DMXL2: variants seen among roughly 807,000 people sequenced by gnomAD.
DMXL2 encodes Dmx like 2, also known as dmX-like protein 2.
Under a neutral mutation model 331.1 loss-of-function variants are expected in DMXL2, and 103 were observed. That is an observed-to-expected ratio of 0.31 (90% CI 0.27 to 0.37). The LOEUF (loss-of-function observed/expected upper bound fraction) is 0.37. Ranked by LOEUF, DMXL2 falls within the 10% of genes least tolerant of loss-of-function variation. The pLI, the probability that DMXL2 is intolerant of heterozygous loss-of-function variation, is 1.00. For missense variants in DMXL2, 3,171 were observed against 3,642.9 expected, an observed-to-expected ratio of 0.87 and a Z score of 3.33; for synonymous variants, 1,281 against 1,252.1, an observed-to-expected ratio of 1.02 and a Z score of -0.49.
chr15:51,496,588 T>C (rs2043197303), intron 18 of DMXL2, among the ~76,000 whole-genome samples: 1 of 152,166 alleles, frequency 6.6e-6, no homozygotes, highest in African/African-American at 2.4e-5. Flanking sequence ...AAGGAGAGAT[T>C]TAATGTGATT....
At chr15:51,573,931 CA>C (rs1229147891) in intron 2 of DMXL2, among the ~76,000 whole-genome samples, 1 of 151,858 alleles carries the variant, frequency 6.6e-6, no homozygotes, top group Non-Finnish European at 1.5e-5. Flanking sequence ...AAATACATTT[CA>C]AAAGCATGCA....
rs951566449 is a variant in DMXL2, at chr15:51,503,151, G to A, written c.2765-118C>T. On this transcript the variant is annotated intron_variant, in intron 16 of 43. Transcript: ENST00000560891. Reference sequence around the variant, plus strand: ...AGCTTCTTAAAAGTATTTTGGAGGTGAGGATATAGAGAAAAGAGAGCTCTT... The same window carrying A: ...AGCTTCTTAAAAGTATTTTGGAGGTAAGGATATAGAGAAAAGAGAGCTCTT... 5.4e-6 allele frequency: 4 copies of A among 735,492 alleles called. No homozygotes were observed. The African/African-American group carries it at 7.1e-5, about 13-fold the overall frequency. The allele number at this position is 735,492 out of a possible 1,614,324, so 45.6% of individuals were successfully genotyped here.
rs66990182 is a variant in DMXL2, at chr15:51,560,504, C to CAAA, written c.567+2874_567+2876dup. On this transcript the variant is annotated intron_variant, in intron 6 of 43. Coordinates refer to ENST00000560891, the MANE Select transcript of DMXL2 (RefSeq NM_001378457.1). ...CAACATAATGAAACCTTATTTCTACCAAAAAAAAAAAAAAAAAAAAAAAAA... is the reference window on the plus strand; with the variant it reads ...CAACATAATGAAACCTTATTTCTACCAAAAAAAAAAAAAAAAAAAAAAAAAAAA... Among the ~76,000 whole-genome samples the CAAA allele has an allele frequency of 2.2e-4, 9 of 41,522 alleles. 1 individual carries two copies. Among genetic ancestry groups the CAAA allele is most frequent in the African/African-American group, 5.4e-4 (5 of 9,182 alleles). The allele number at this position is 41,522 out of a possible 152,430, so 27.2% of individuals were successfully genotyped here. A position where few individuals can be genotyped will look rare whatever the true frequency, so the allele number is the denominator to read the frequency against.
intron 13 of DMXL2, among the ~76,000 whole-genome samples, chr15:51,520,098 T>C (rs570590283): frequency 4.0e-4 from 61 of 152,360 alleles, no homozygotes; most frequent in African/African-American, 1.4e-3. Flanking sequence ...TCACATTCTA[T>C]GCTATGGCTG....
At chr15:51,582,259 C>G (rs1489385096) in intron 1 of DMXL2, among the ~76,000 whole-genome samples, 2 of 152,236 alleles carry the variant, frequency 1.3e-5, no homozygotes, top group Admixed American at 6.5e-5. Flanking sequence ...TAATCAAATT[C>G]CTATGTCACA....
At chr15:51,482,170 G>A (rs146005491) in intron 23 of DMXL2, among the ~76,000 whole-genome samples, 210 of 152,204 alleles carry the variant, frequency 1.4e-3, no homozygotes, top group Admixed American at 2.4e-3. Context: ...AGTCTATCAA[G>A]TTGGTAGCAT....
intron 29 of DMXL2, among the ~76,000 whole-genome samples, chr15:51,466,711 A>T (rs913568212): frequency 2.0e-5 from 3 of 152,002 alleles, no homozygotes; most frequent in Non-Finnish European, 4.4e-5. Context: ...AAATTATATG[A>T]AGGGAAGGAC....
intron 1 of DMXL2, among the ~76,000 whole-genome samples, 173 bp from the exon 2 acceptor site, chr15:51,576,354 T>C (rs189439508): frequency 6.6e-6 from 1 of 152,176 alleles, no homozygotes; most frequent in Admixed American, 6.6e-5. Context: ...AAAAGTCACA[T>C]TAAAAAATAA....
intron 1 of DMXL2, among the ~76,000 whole-genome samples, chr15:51,588,825 A>G (rs2052063683): frequency 6.6e-6 from 1 of 152,306 alleles, no homozygotes; most frequent in South Asian, 2.1e-4. Flanking sequence ...GTATATCACA[A>G]TCTTCCTATA....
intron 6 of DMXL2, 90 bp downstream of exon 6, chr15:51,563,291 A>T: frequency 1.8e-6 from 2 of 1,093,490 alleles, no homozygotes; most frequent in Non-Finnish European, 2.6e-6. Context: ...TCCCAGTTTT[A>T]CAGATGAGAA....
At chr15:51,473,759 AT>A (rs1322699166) in intron 28 of DMXL2, among the ~76,000 whole-genome samples, 2 of 152,214 alleles carry the variant, frequency 1.3e-5, no homozygotes, top group East Asian at 1.9e-4. Flanking sequence ...TGAAAAATAT[AT>A]TCTGGCCATG....
Position 51,488,015 on chromosome 15 carries a change from T to C in DMXL2, c.5156A>G (p.Gln1719Arg), listed in dbSNP as rs2042524853. ...LKNAFSLLGKQRFEQSAAFFL... is the reference protein window; with the variant it reads ...LKNAFSLLGKRRFEQSAAFFL... ...AAAAGCAGCCGATTGTTCAAAGCGT[T>C]GTTTTCCAAGTAAGGAAAAAGCATT... is the stretch of plus-strand genomic sequence containing the variant. Residue 1719 changes from glutamine (Q) to arginine (R), a missense_variant, in exon 22 of 44, where the codon CAA (glutamine) becomes CGA (arginine). Around this residue, in one of 7 missense-constraint regions of DMXL2, gnomAD observed 252 missense variants for 387.4 expected, o/e 0.65. Coordinates refer to ENST00000560891, the MANE Select transcript of DMXL2 (RefSeq NM_001378457.1). 6.2e-7 allele frequency: 1 copy of C among 1,613,480 alleles called. No individual in the cohort carries two copies. Among genetic ancestry groups the C allele is most frequent in the African/African-American group, 1.3e-5 (1 of 74,898 alleles).
At chr15:51,559,495 A>T (rs562870003) in intron 6 of DMXL2, among the ~76,000 whole-genome samples, 1 of 152,202 alleles carries the variant, frequency 6.6e-6, no homozygotes, top group Non-Finnish European at 1.5e-5. Flanking sequence ...CAGGAGGATC[A>T]CTTGAGGTCA....
intron 13 of DMXL2, among the ~76,000 whole-genome samples, chr15:51,527,895 G>T (rs1228943062): frequency 6.6e-6 from 1 of 151,770 alleles, no homozygotes; most frequent in East Asian, 1.9e-4. Context: ...GATACAGATG[G>T]TACAAAAAGA....
chr15:51,530,268 A>G (rs1380945980), intron 13 of DMXL2, among the ~76,000 whole-genome samples: 2 of 152,148 alleles, frequency 1.3e-5, no homozygotes, highest in African/African-American at 4.8e-5. Flanking sequence ...AGGCATCCAA[A>G]TTGGAAAGGA....
chr15:51,454,683 G>A (rs888316739), intron 40 of DMXL2, among the ~76,000 whole-genome samples: 4 of 152,110 alleles, frequency 2.6e-5, no homozygotes, highest in Admixed American at 2.6e-4. Flanking sequence ...TTTTAGTAGA[G>A]AGGGGGTTTC....
At position 51,499,461 on chromosome 15, in the gene DMXL2, C is replaced by T; in HGVS notation, c.3763G>A (p.Val1255Ile). The T allele has an allele frequency of 3.7e-6, 6 of 1,613,906 alleles. No individual in the cohort carries two copies. Among genetic ancestry groups the T allele is most frequent in the Non-Finnish European group, 5.1e-6 (6 of 1,179,928 alleles). Residue 1255 changes from valine (V) to isoleucine (I), a missense_variant, in exon 18 of 44, where the codon GTA becomes ATA. Physicochemically the swap from Val to Ile is conservative, Grantham distance 29 (BLOSUM62 3). Around this residue, in one of 7 missense-constraint regions of DMXL2, gnomAD observed 1,674 missense variants for 1,780.2 expected, o/e 0.94. Coordinates refer to ENST00000560891, the MANE Select transcript of DMXL2 (RefSeq NM_001378457.1). ...CCTACCACCAATATCCCATCTCTTA[C>T]CCAAGAGAGAGAAACAGGCAGTGAA... ...TPSLPVSLSW[V>I]RDGILVVGMD...
chr15:51,458,152 T>C (rs2039805332), intron 36 of DMXL2: 1 of 180,818 alleles, frequency 5.5e-6, no homozygotes, highest in South Asian at 1.3e-4. Flanking sequence ...GCTTATCAGG[T>C]GATAAGAAGA....
intron 5 of DMXL2, among the ~76,000 whole-genome samples, chr15:51,563,908 T>G (rs986997240): frequency 6.6e-5 from 10 of 152,102 alleles, no homozygotes; most frequent in Admixed American, 6.5e-4. Context: ...GTCCTGGGGC[T>G]ATAACTATGA....
Sources: allele counts gnomAD v4.1 joint callset (sites outside exome capture counted in the v4.1 genomes callset), GRCh38; gene constraint gnomAD v4.1.1; regional missense constraint gnomAD v4.1.1; transcripts MANE v1.5; gene names NCBI Gene and HGNC (gene_info 2026-07-23, HGNC 2026-07-21).